Variants in SLU7 observed in about 807,000 individuals in gnomAD.
SLU7 encodes pre-mRNA-splicing factor SLU7.
In SLU7, 60 loss-of-function variants were observed where a neutral mutation model predicts 87.0. The ratio of observed to expected loss-of-function variants is 0.69; its 90% CI spans 0.56 to 0.86. SLU7 has a LOEUF of 0.86. Among genes scored for constraint, SLU7 ranks in the 40% least tolerant of loss-of-function variants. SLU7 has a pLI of 0.00. For synonymous variants in SLU7, 197 were observed against 222.0 expected (o/e 0.89, Z 1.00); for missense variants, 507 against 686.6 (o/e 0.74, Z 2.92).
At chr5:160,413,650 C>T (rs1445122139) in intron 4 of SLU7, 30 bp from the exon 5 acceptor site, 3 of 1,585,678 alleles carry the variant, frequency 1.9e-6, no homozygotes, top group South Asian at 2.3e-5. Flanking sequence ...TAATCTTTTC[C>T]TAAGTTTTTA....
Position 160,408,419 on chromosome 5 carries a change from A to G in SLU7, c.729T>C (p.Tyr243=). The change falls in exon 8 of 16, where the codon TAT becomes TAC. Residue 243 remains tyrosine, a synonymous_variant. Coordinates refer to ENST00000297151, the MANE Select transcript of SLU7 (RefSeq NM_006425.5). ...HNSEDEDEDK[Y]ADDIDMPGQN... is the part of the protein sequence containing the mutation. ...GTCCAGGCATGTCAATATCATCTGC[A>G]TATTTATCTTCATCCTCATCTTCAC... The G allele has an allele frequency of 2.5e-6, 4 of 1,609,686 alleles. No homozygotes were observed. Among genetic ancestry groups the G allele is most frequent in the East Asian group, 2.2e-5 (1 of 44,714 alleles).
chr5:160,415,746 C>T (rs1765425379), intron 1 of SLU7, among the ~76,000 whole-genome samples: 1 of 152,228 alleles, frequency 6.6e-6, no homozygotes, highest in Admixed American at 6.5e-5. Flanking sequence ...CTTAGCCCTC[C>T]ATTCCCTACC....
At chr5:160,413,754 GTGT>G in intron 4 of SLU7, 134 bp from the exon 5 acceptor site, 1 of 976,658 alleles carries the variant, frequency 1.0e-6, no homozygotes, top group Non-Finnish European at 1.5e-6. Flanking sequence ...AATTTTGTTG[GTGT>G]TGAACCAATT....
intron 2 of SLU7, among the ~76,000 whole-genome samples, chr5:160,414,901 A>C (rs2113162295): frequency 6.6e-6 from 1 of 152,330 alleles, no homozygotes; most frequent in Middle Eastern, 3.4e-3. Flanking sequence ...ACTTCTGTAG[A>C]GCAGGCCAGG....
intron 15 of SLU7, among the ~76,000 whole-genome samples, chr5:160,404,210 C>A (rs934514390): frequency 6.6e-6 from 1 of 152,094 alleles, no homozygotes; most frequent in Non-Finnish European, 1.5e-5. Flanking sequence ...TAAAAAAATA[C>A]AGAAATTAGC....
At chr5:160,404,629 G>T in intron 14 of SLU7, 73 bp from the exon 15 acceptor site, 1 of 1,081,236 alleles carries the variant, frequency 9.2e-7, no homozygotes, top group Non-Finnish European at 1.4e-6. Flanking sequence ...GGGCGGCTGA[G>T]GCACAAGAAT....
intron 3 of SLU7, 22 bp downstream of exon 3, chr5:160,414,297 T>C: frequency 6.4e-7 from 1 of 1,557,024 alleles, no homozygotes; most frequent in Non-Finnish European, 8.7e-7. Flanking sequence ...TCCATGAAGA[T>C]GTATACAGGT....
In SLU7 at chr5:160,414,377, G is replaced by A; in HGVS notation, c.266C>T (p.Pro89Leu). The A allele has an allele frequency of 1.2e-6, 2 of 1,611,454 alleles. No individual in the cohort carries two copies. Among genetic ancestry groups the A allele is most frequent in the South Asian group, 2.2e-5 (2 of 90,868 alleles). ...RPTLKHQRPQ[P>L]EKQKQFSSSG... ...TGAGCTGAACTGCTTTTGTTTTTCTGGTTGTGGTCTCTGGTGTTTTAAAGT... is the reference window on the plus strand; with the variant it reads ...TGAGCTGAACTGCTTTTGTTTTTCTAGTTGTGGTCTCTGGTGTTTTAAAGT... The change falls in exon 3 of 16, where the codon CCA becomes CTA. Residue 89 changes from proline to leucine, a missense_variant. Transcript: ENST00000297151.
chr5:160,408,486 TAAG>T (rs1765097518), intron 7 of SLU7, 26 bp from the exon 8 acceptor site: 2 of 1,578,984 alleles, frequency 1.3e-6, no homozygotes, highest in Non-Finnish European at 1.7e-6. Flanking sequence ...GAAGGAAAAG[TAAG>T]AAGAAAAGAA....
At chr5:160,411,794 AAC>A (rs1765249399) in intron 6 of SLU7, among the ~76,000 whole-genome samples, 1 of 152,326 alleles carries the variant, frequency 6.6e-6, no homozygotes, top group East Asian at 1.9e-4. Flanking sequence ...AAGAAAAAAA[AAC>A]TGGCTGCAAT....
intron 4 of SLU7, 131 bp downstream of exon 4, chr5:160,413,768 C>T (rs181079501): frequency 2.1e-6 from 2 of 937,134 alleles, no homozygotes; most frequent in Admixed American, 6.1e-5. Context: ...TGAACCAATT[C>T]CACTGAAACT....
At chr5:160,411,535 C>T (rs1765241910) in intron 6 of SLU7, among the ~76,000 whole-genome samples, 1 of 152,188 alleles carries the variant, frequency 6.6e-6, no homozygotes, top group Non-Finnish European at 1.5e-5. Context: ...GGATTTTAAA[C>T]ACCTATCTGG....
rs143427485 is a variant in SLU7, at chr5:160,403,442, C to T, written c.1604G>A (p.Arg535His). The change falls in exon 16 of 16, where the codon CGC becomes CAC. Residue 535 changes from arginine to histidine, a missense_variant. Physicochemically the swap from Arg to His is conservative, Grantham distance 29 (BLOSUM62 0). Around this residue, in one of 6 missense-constraint regions of SLU7, gnomAD observed 201 missense variants for 213.4 expected, o/e 0.94. Transcript: ENST00000297151. ...LKKALNAEEA[R>H]LLHVKETMQI... The stretch of plus-strand genomic sequence containing the variant: ...CATGGTCTCCTTGACATGAAGAAGG[C>T]GGGCCTCCTCTGCGTTCAGTGCCTA... 3.7e-5 allele frequency: 59 copies of T among 1,609,290 alleles called. No homozygotes were observed. Among genetic ancestry groups the T allele is most frequent in the South Asian group, 8.9e-5 (8 of 90,192 alleles).
chr5:160,404,742 T>G, intron 14 of SLU7, 67 bp downstream of exon 14: 3 of 1,099,648 alleles, frequency 2.7e-6, no homozygotes, highest in South Asian at 1.4e-5. Flanking sequence ...AAAAAAAAAC[T>G]CAGGTGCAGG....
intron 14 of SLU7, 46 bp downstream of exon 14, chr5:160,404,763 C>A (rs1443120038): frequency 7.5e-7 from 1 of 1,333,762 alleles, no homozygotes; most frequent in African/African-American, 1.5e-5. Context: ...TTTTAAAGCC[C>A]TCCCTCCAGG....
chr5:160,416,405 G>A (rs573999043), intron 1 of SLU7, among the ~76,000 whole-genome samples: 6 of 152,124 alleles, frequency 3.9e-5, no homozygotes, highest in Admixed American at 1.3e-4. Flanking sequence ...AAGGAACAAC[G>A]TATTTTTCTA....
chr5:160,419,077 G>A lies in SLU7; in HGVS notation c.-71C>T, dbSNP rs1411471492. 2 of 152,372 alleles carry A rather than the reference G, an allele frequency of 1.3e-5. No individual in the cohort carries two copies. The highest frequency in any genetic ancestry group is 3.9e-4 in the East Asian group (2 of 5,184). 9.4% of individuals were successfully genotyped at this position (152,372 alleles called of 1,614,324 possible). A position where few individuals can be genotyped will look rare whatever the true frequency, so the allele number is the denominator to read the frequency against. On this transcript the variant is annotated 5_prime_UTR_variant, in exon 1 of 16. The change creates a new upstream start codon in the 5' untranslated region. Transcript: ENST00000297151. Reference sequence around the variant, plus strand: ...ATCCGACAGAATCCAAGCCAATCTCGTAATGTTTACTTCCGGCTTTTCGCC... The same window carrying A: ...ATCCGACAGAATCCAAGCCAATCTCATAATGTTTACTTCCGGCTTTTCGCC...
chr5:160,413,748 T>G, intron 4 of SLU7, 128 bp from the exon 5 acceptor site: 2 of 1,004,436 alleles, frequency 2.0e-6, no homozygotes, highest in Non-Finnish European at 2.9e-6. Context: ...GTAGAAAATT[T>G]TGTTGGTGTT....
rs149091585 is a variant in SLU7, at chr5:160,406,706, TA to T, written c.1126-78del. ...TAAATTTCCAGAAAACATTTATTTC[TA>T]ATCAGAAAGAAAGGGAACATTCTTT... On this transcript the variant is annotated intron_variant, in intron 11 of 15. Coordinates refer to ENST00000297151, the MANE Select transcript of SLU7 (RefSeq NM_006425.5). 5.4e-4 allele frequency: 631 copies of T among 1,165,490 alleles called. 2 individuals carry two copies. In the African/African-American group the frequency reaches 9.0e-3, roughly 17 times the overall value. 72.2% of individuals were successfully genotyped at this position (1,165,490 alleles called of 1,614,324 possible). A position where few individuals can be genotyped will look rare whatever the true frequency, so the allele number is the denominator to read the frequency against.
Sources: allele counts gnomAD v4.1 joint callset (sites outside exome capture counted in the v4.1 genomes callset), GRCh38; gene constraint gnomAD v4.1.1; regional missense constraint gnomAD v4.1.1; transcripts MANE v1.5; gene names NCBI Gene and HGNC (gene_info 2026-07-23, HGNC 2026-07-21).